The following THADA variants were observed in gnomAD, a reference collection of about 807,000 sequenced individuals.
The protein encoded by THADA is THADA armadillo repeat containing, also known as tRNA (32-2'-O)-methyltransferase regulator THADA.
In THADA, 213 loss-of-function variants were observed where a neutral mutation model predicts 219.8. The ratio of observed to expected loss-of-function variants is 0.97; its 90% confidence interval spans 0.87 to 1.09. THADA has a LOEUF of 1.09. Ranked by LOEUF, THADA falls within the 50% of genes least tolerant of loss-of-function variation. The pLI is 0.00. For missense variants in THADA, 2,956 were observed against 2,311.3 expected, an observed-to-expected ratio of 1.28 and a Z score of -5.72; for synonymous variants, 1,018 against 828.9, an observed-to-expected ratio of 1.23 and a Z score of -3.92.
rs143913551 is a variant in THADA, at chr2:43,582,955, C to T, written c.534-1027G>A. ...TCTCGGATACCTTCACTAATTCATCCTCTTCTCCCTGATCTTTTTATGTTA... is the reference window on the plus strand; with the variant it reads ...TCTCGGATACCTTCACTAATTCATCTTCTTCTCCCTGATCTTTTTATGTTA... On this transcript the variant is annotated intron_variant, in intron 7 of 37. Transcript: ENST00000405975. Among the ~76,000 whole-genome samples the T allele has an allele frequency of 5.7e-3, 873 of 152,272 alleles. 8 individuals carry two copies. The highest frequency in any genetic ancestry group is 8.6e-3 in the Non-Finnish European group (584 of 68,020).
intron 36 of THADA, among the ~76,000 whole-genome samples, chr2:43,251,212 G>T (rs1210053283): frequency 2.0e-5 from 3 of 152,162 alleles, no homozygotes; most frequent in Non-Finnish European, 4.4e-5. Context: ...TATGCAGAGA[G>T]CAGAGATCAG....
chr2:43,460,744 G>C (rs1683542415), intron 26 of THADA, among the ~76,000 whole-genome samples: 1 of 152,208 alleles, frequency 6.6e-6, no homozygotes, highest in South Asian at 2.1e-4. Context: ...GGTTGGCGTG[G>C]TAAGAGCCAT....
chr2:43,299,330 C>G (rs560736261), intron 31 of THADA, among the ~76,000 whole-genome samples: 14 of 152,048 alleles, frequency 9.2e-5, no homozygotes, highest in Non-Finnish European at 1.8e-4. Context: ...GCTTTAAGAC[C>G]AATGGGAGGA....
chr2:43,429,005 G>T (rs1678874237), intron 27 of THADA, among the ~76,000 whole-genome samples: 1 of 152,078 alleles, frequency 6.6e-6, no homozygotes. Flanking sequence ...TAAACAATTA[G>T]TGTACATTCA....
intron 25 of THADA, among the ~76,000 whole-genome samples, chr2:43,488,918 T>C (rs909277841): frequency 6.6e-6 from 1 of 152,200 alleles, no homozygotes; most frequent in South Asian, 2.1e-4. Flanking sequence ...TCATGACTAA[T>C]GGTGTTAAGT....
At chr2:43,274,911 G>A (rs1245526101) in intron 36 of THADA, among the ~76,000 whole-genome samples, 1 of 151,756 alleles carries the variant, frequency 6.6e-6, no homozygotes, top group Non-Finnish European at 1.5e-5. Context: ...ATGAAATCTG[G>A]CACGCCTTAA....
intron 29 of THADA, among the ~76,000 whole-genome samples, chr2:43,385,875 A>T (rs1268709125): frequency 6.9e-6 from 1 of 144,816 alleles, no homozygotes; most frequent in Non-Finnish European, 1.5e-5. Context: ...ATTTGATATT[A>T]AAAAAAAAAA....
intron 26 of THADA, among the ~76,000 whole-genome samples, chr2:43,466,480 T>TA (rs1013550513): frequency 6.6e-6 from 1 of 152,120 alleles, no homozygotes; most frequent in African/African-American, 2.4e-5. Context: ...CATACCTCTA[T>TA]ATGAGAATAT....
intron 4 of THADA, among the ~76,000 whole-genome samples, chr2:43,588,858 A>G (rs1286869738): frequency 1.3e-5 from 2 of 152,158 alleles, no homozygotes; most frequent in South Asian, 2.1e-4. Flanking sequence ...AATTATATAC[A>G]TAAGAATATC....
intron 29 of THADA, among the ~76,000 whole-genome samples, chr2:43,371,592 T>G (rs1475634492): frequency 1.3e-5 from 2 of 152,194 alleles, no homozygotes; most frequent in Non-Finnish European, 2.9e-5. Context: ...AAACAAAACA[T>G]GCATTCTTTT....
At chr2:43,595,706 C>G (rs1043154004) in intron 1 of THADA, 1 of 152,434 alleles carries the variant, frequency 6.6e-6, no homozygotes, top group African/African-American at 2.4e-5. Context: ...CACAAACATT[C>G]TCTGGGCGAT....
At chr2:43,541,089 G>C (rs1416480273) in intron 21 of THADA, 70 bp downstream of exon 21, 11 of 1,381,966 alleles carry the variant, frequency 8.0e-6, no homozygotes, top group African/African-American at 1.5e-5. Flanking sequence ...TTTAGAGTTG[G>C]GTTATAAAAA....
intron 30 of THADA, among the ~76,000 whole-genome samples, chr2:43,335,994 G>C (rs1020437389): frequency 6.6e-6 from 1 of 151,888 alleles, no homozygotes; most frequent in East Asian, 2.0e-4. Flanking sequence ...CTACTCAGGA[G>C]GCTGAGGCAG....
At chr2:43,476,490 T>TA (rs1264803886) in intron 26 of THADA, among the ~76,000 whole-genome samples, 1 of 152,136 alleles carries the variant, frequency 6.6e-6, no homozygotes, top group Non-Finnish European at 1.5e-5. Flanking sequence ...TATGGGATAG[T>TA]AAGTTGTCTG....
chr2:43,424,952 T>C (rs1214548325), intron 28 of THADA, among the ~76,000 whole-genome samples: 2 of 152,246 alleles, frequency 1.3e-5, no homozygotes, highest in African/African-American at 4.8e-5. Context: ...ATTACGTCTA[T>C]ATCCAGAAGA....
chr2:43,328,676 G>C (rs1679615383), intron 30 of THADA, among the ~76,000 whole-genome samples: 2 of 152,340 alleles, frequency 1.3e-5, no homozygotes, highest in East Asian at 1.9e-4. Flanking sequence ...GGATCCTGGG[G>C]AATGTAATCT....
At chr2:43,433,695 A>G (rs986922535) in intron 26 of THADA, among the ~76,000 whole-genome samples, 8 of 151,882 alleles carry the variant, frequency 5.3e-5, no homozygotes, top group African/African-American at 1.9e-4. Context: ...CATTTTATTT[A>G]TTTATTTTTT....
intron 26 of THADA, among the ~76,000 whole-genome samples, chr2:43,470,653 T>G (rs1684803212): frequency 6.6e-6 from 1 of 152,120 alleles, no homozygotes; most frequent in African/African-American, 2.4e-5. Flanking sequence ...TAACAAAAAT[T>G]GTATTTGAGT....
chr2:43,450,305 T>C (rs1159834332), intron 26 of THADA, among the ~76,000 whole-genome samples: 4 of 152,150 alleles, frequency 2.6e-5, no homozygotes, highest in African/African-American at 9.7e-5. Flanking sequence ...CAACTACTAA[T>C]GTTTTGGACA....
Sources: gnomAD v4.1 joint callset for allele counts (sites outside exome capture counted in the v4.1 genomes callset) on GRCh38, gnomAD v4.1.1 for gene constraint, MANE v1.5 for transcripts, NCBI Gene and HGNC (gene_info 2026-07-23, HGNC 2026-07-21) for gene names.